Variants in PRICKLE2 observed in about 807,000 individuals in gnomAD.
PRICKLE2 encodes the protein prickle-like protein 2.
In PRICKLE2, 21 loss-of-function variants were observed where a neutral mutation model predicts 81.4. That is an observed-to-expected ratio of 0.26 (90% CI 0.18 to 0.37). The LOEUF (loss-of-function observed/expected upper bound fraction) is 0.37, where lower values mean the gene tolerates loss of function less well. Ranked by LOEUF, PRICKLE2 falls within the 10% of genes least tolerant of loss-of-function variation. PRICKLE2 has a pLI of 1.00. For synonymous variants in PRICKLE2, 456 were observed against 421.5 expected, an observed-to-expected ratio of 1.08 and a Z score of -1.00; for missense variants, 940 against 1,109.0, an observed-to-expected ratio of 0.85 and a Z score of 2.16.
chr3:64,216,064 C>G (rs141448281), intron 1 of PRICKLE2, among the ~76,000 whole-genome samples: 1 of 152,342 alleles, frequency 6.6e-6, no homozygotes, highest in East Asian at 1.9e-4. Context: ...CCTTCTAGCT[C>G]CGCAGGGTTT....
chr3:64,217,390 G>A (rs2078888537), intron 1 of PRICKLE2, among the ~76,000 whole-genome samples: 1 of 152,156 alleles, frequency 6.6e-6, no homozygotes, highest in African/African-American at 2.4e-5. Context: ...TGGATATACT[G>A]CATAGTGATG....
intron 1 of PRICKLE2, among the ~76,000 whole-genome samples, chr3:64,201,527 T>C (rs1016294077): frequency 5.9e-5 from 9 of 152,232 alleles, no homozygotes; most frequent in Non-Finnish European, 1.2e-4. Flanking sequence ...GTGCTTATTA[T>C]GTATCTTCTT....
chr3:64,148,017 T>G (rs565007015), intron 6 of PRICKLE2, among the ~76,000 whole-genome samples: 2 of 152,362 alleles, frequency 1.3e-5, no homozygotes, highest in Admixed American at 1.3e-4. Context: ...CGTATGATCA[T>G]GTACTGCTTT....
At chr3:64,202,977 T>G (rs983706802) in intron 1 of PRICKLE2, among the ~76,000 whole-genome samples, 1 of 152,216 alleles carries the variant, frequency 6.6e-6, no homozygotes, top group Non-Finnish European at 1.5e-5. Context: ...CAAAAGGGTG[T>G]TGGAGTTTGT....
chr3:64,139,168 T>A (rs2077321796), intron 7 of PRICKLE2, among the ~76,000 whole-genome samples: 1 of 152,152 alleles, frequency 6.6e-6, no homozygotes, highest in South Asian at 2.1e-4. Flanking sequence ...CTTGCCAAGG[T>A]GTGTAGATGA....
intron 1 of PRICKLE2, among the ~76,000 whole-genome samples, chr3:64,220,619 C>T (rs11924543): frequency 0.031 from 4,745 of 152,238 alleles, 258 homozygotes; most frequent in African/African-American, 0.11. Flanking sequence ...AGAGAACCCC[C>T]GACTATTGCT....
rs778267781 is a variant in PRICKLE2, at chr3:64,099,731, C to T, written c.1855G>A (p.Gly619Arg). Residue 619 changes from glycine (G) to arginine (R), a missense_variant, in exon 8 of 8, where the codon GGA becomes AGA. Gly to Arg is a moderately radical substitution (Grantham distance 125, BLOSUM62 -2). Coordinates refer to ENST00000638394, the MANE Select transcript of PRICKLE2 (RefSeq NM_198859.4). The surrounding 1 kb of genome is among the most constrained non-coding windows in gnomAD (Gnocchi z 4.3). ...LSAQQYQEME[G>R]NLHQLSNPIG... ...GGGTTGCTGAGCTGGTGGAGGTTTC[C>T]CTCCATCTCCTGGTACTGCTGGGCA... is the stretch of plus-strand genomic sequence containing the variant. The T allele has an allele frequency of 3.7e-6, 6 of 1,614,170 alleles. No homozygotes were observed. The highest frequency in any genetic ancestry group is 3.3e-5 in the South Asian group (3 of 91,074).
intron 3 of PRICKLE2, among the ~76,000 whole-genome samples, chr3:64,162,608 A>G (rs2077753136): frequency 6.6e-6 from 1 of 152,234 alleles, no homozygotes; most frequent in African/African-American, 2.4e-5. Context: ...ATATGAAATG[A>G]TGCCGAAAAT....
intron 2 of PRICKLE2, among the ~76,000 whole-genome samples, chr3:64,179,383 C>T (rs532390780): frequency 1.3e-5 from 2 of 152,154 alleles, no homozygotes; most frequent in South Asian, 2.1e-4. Flanking sequence ...GCCTAACATA[C>T]GTATTTTCTC....
intron 7 of PRICKLE2, among the ~76,000 whole-genome samples, chr3:64,109,814 C>T (rs549290542): frequency 6.6e-6 from 1 of 152,286 alleles, no homozygotes; most frequent in African/African-American, 2.4e-5. Context: ...TGCCTTTGAA[C>T]TGGAGGTTGG....
intron 7 of PRICKLE2, among the ~76,000 whole-genome samples, chr3:64,122,571 C>T (rs756710276): frequency 1.2e-4 from 18 of 152,214 alleles, no homozygotes; most frequent in African/African-American, 2.2e-4. Flanking sequence ...TTTCCCAGCA[C>T]TGGCTGCCCT....
rs1449765785 is a variant in PRICKLE2 at position 64,099,627 on chromosome 3, C to A, written c.1959G>T (p.Lys653Asn). ...FDFDGGMAGS[K>N]LPGQEGVRIQ... ...TCCTCACGCCCTCCTGCCCTGGCAG[C>A]TTGCTGCCCGCCATCCCTCCATCAA... Residue 653 changes from lysine (K) to asparagine (N), a missense_variant, in exon 8 of 8, where the codon AAG (lysine) becomes AAT (asparagine). Lys to Asn is a moderately conservative substitution (Grantham distance 94). Around this residue, in one of 2 missense-constraint regions of PRICKLE2, gnomAD observed 670 missense variants for 717.2 expected, o/e 0.93. Transcript: ENST00000638394. This position sits in a 1 kb window ranked among gnomAD's most constrained non-coding sequence, Gnocchi z 4.3. The A allele has an allele frequency of 5.6e-6, 9 of 1,613,996 alleles. No homozygotes were observed. In the African/African-American group the frequency reaches 1.1e-4, roughly 19 times the overall value.
intron 2 of PRICKLE2, among the ~76,000 whole-genome samples, chr3:64,232,782 C>T (rs2079125067): frequency 6.6e-6 from 1 of 152,120 alleles, no homozygotes; most frequent in South Asian, 2.1e-4. Context: ...ACACCATATC[C>T]CCCACAATCT....
chr3:64,161,357 G>A (rs2077730791), intron 3 of PRICKLE2, among the ~76,000 whole-genome samples: 1 of 152,192 alleles, frequency 6.6e-6, no homozygotes, highest in Non-Finnish European at 1.5e-5. Flanking sequence ...CATCAGAAAG[G>A]TTAAGTGAAT....
At chr3:64,107,666 A>G (rs2076777831) in intron 7 of PRICKLE2, among the ~76,000 whole-genome samples, 3 of 151,848 alleles carry the variant, frequency 2.0e-5, no homozygotes, top group South Asian at 4.2e-4. Flanking sequence ...ACATACTAAG[A>G]CCCCCTAACT....
intron 7 of PRICKLE2, among the ~76,000 whole-genome samples, chr3:64,126,268 A>T (rs973363082): frequency 2.0e-5 from 3 of 152,220 alleles, no homozygotes; most frequent in African/African-American, 7.2e-5. Flanking sequence ...AAACACTAGG[A>T]GATGCAGCAA....
At chr3:64,258,893 G>GAAATAAATAAATAAATAAAT (rs1553663533) in intron 2 of PRICKLE2, among the ~76,000 whole-genome samples, 4 of 141,068 alleles carry the variant, frequency 2.8e-5, no homozygotes, top group African/African-American at 1.1e-4. Context: ...AAGAAAGAAA[G>GAAATAAATAAATAAATAAAT]AAATCAGGAG....
In PRICKLE2 at chr3:64,160,300, A is replaced by G. The variant is rs572789553; in HGVS notation, c.259-223T>C. 2.0e-5 allele frequency among the ~76,000 whole-genome samples: 3 copies of G among 152,282 alleles called. No homozygotes were observed. In the South Asian group the frequency reaches 6.2e-4, roughly 32 times the overall value. On this transcript the variant is annotated intron_variant, in intron 3 of 7. Coordinates refer to ENST00000638394, the MANE Select transcript of PRICKLE2 (RefSeq NM_198859.4). ...CCAAAAGAGCTTACCAAAGGCTCTGAATTCTGGATCCCAAGCCTTGGGCAG... is the reference window on the plus strand; with the variant it reads ...CCAAAAGAGCTTACCAAAGGCTCTGGATTCTGGATCCCAAGCCTTGGGCAG...
At chr3:64,126,463 G>C (rs1319048765) in intron 7 of PRICKLE2, among the ~76,000 whole-genome samples, 1 of 152,202 alleles carries the variant, frequency 6.6e-6, no homozygotes, top group Non-Finnish European at 1.5e-5. Flanking sequence ...AGGATCCACT[G>C]CCTCTGCAGC....
Sources: allele counts gnomAD v4.1 joint callset (sites outside exome capture counted in the v4.1 genomes callset), GRCh38; gene constraint gnomAD v4.1.1; regional missense constraint gnomAD v4.1.1; non-coding constraint Gnocchi (gnomAD v3.1); transcripts MANE v1.5; gene names NCBI Gene and HGNC (gene_info 2026-07-23, HGNC 2026-07-21).